Variants in OAS3 observed in about 807,000 individuals in gnomAD.
OAS3 encodes the protein 2'-5'-oligoadenylate synthetase 3.
In OAS3, 107 loss-of-function variants were observed where a neutral mutation model predicts 113.0. That is an observed-to-expected ratio of 0.95 (90% CI 0.81 to 1.11). The LOEUF is 1.11. Ranked by LOEUF, OAS3 falls within the 50% of genes most tolerant of loss-of-function variation. The pLI, the probability that OAS3 is intolerant of heterozygous loss-of-function variation, is 0.00. For missense variants in OAS3, 1,258 were observed against 1,389.1 expected, an observed-to-expected ratio of 0.91 and a Z score of 1.50; for synonymous variants, 552 against 573.6, an observed-to-expected ratio of 0.96 and a Z score of 0.54.
intron 7 of OAS3, among the ~76,000 whole-genome samples, chr12:112,956,984 AG>A (rs2043840990): frequency 6.6e-6 from 1 of 152,198 alleles, no homozygotes; most frequent in African/African-American, 2.4e-5. Context: ...GTATCTTTGT[AG>A]GTCTCTAAGG....
intron 8 of OAS3, among the ~76,000 whole-genome samples, chr12:112,961,760 A>G (rs1484426693): frequency 6.6e-6 from 1 of 152,024 alleles, no homozygotes; most frequent in Non-Finnish European, 1.5e-5. Flanking sequence ...GATCTACTCC[A>G]AGGCTTTTGG....
At chr12:112,945,785 A>G (rs1159606251) in intron 3 of OAS3, among the ~76,000 whole-genome samples, 2 of 152,200 alleles carry the variant, frequency 1.3e-5, no homozygotes, top group East Asian at 1.9e-4. Flanking sequence ...GGTTCTTTCC[A>G]TGTAAGATTC....
intron 2 of OAS3, among the ~76,000 whole-genome samples, chr12:112,943,737 A>G (rs1419257751): frequency 6.6e-6 from 1 of 152,092 alleles, no homozygotes; most frequent in Admixed American, 6.5e-5. Context: ...TTTCTAAGAC[A>G]GAGTTTCGCT....
In OAS3 at chr12:112,966,015, C is replaced by A. The variant is rs1376664911; in HGVS notation, c.2675C>A (p.Ala892Asp). Residue 892 changes from alanine to aspartate, a missense_variant, in exon 12 of 16, where the codon GCC becomes GAC. Coordinates refer to ENST00000228928, the MANE Select transcript of OAS3 (RefSeq NM_006187.4). ...DQSVDFDVLP[A>D]FDALGQLVSG... ...AGTGTGGACTTTGATGTGCTGCCAGCCTTTGACGCCCTAGGTGAGGTGCCC... is the reference window on the plus strand; with the variant it reads ...AGTGTGGACTTTGATGTGCTGCCAGACTTTGACGCCCTAGGTGAGGTGCCC... 1 of 1,613,984 alleles carries A rather than the reference C, an allele frequency of 6.2e-7. No homozygotes were observed. Among genetic ancestry groups the A allele is most frequent in the Admixed American group, 1.7e-5 (1 of 60,020 alleles).
rs1208434318 is a variant in OAS3 at position 112,950,959 on chromosome 12, T to C, written c.1641T>C (p.Pro547=). ...LKSWTDVSLL[P]AFDAVGQLSS... ...GCTGGACGGATGTTAGCCTGCTGCC[T>C]GCCTTCGATGCTGTGGGTGAGGGCG... The change falls in exon 7 of 16, where the codon CCT becomes CCC. Residue 547 remains proline (P), a synonymous_variant. Transcript: ENST00000228928. The C allele has an allele frequency of 1.9e-6, 3 of 1,613,072 alleles. No individual in the cohort carries two copies. The East Asian group carries it at 6.7e-5, about 36-fold the overall frequency.
At position 112,944,605 on chromosome 12, in the gene OAS3, C is replaced by G. The variant is rs377209699; in HGVS notation, c.590C>G (p.Ala197Gly). ...AGGAACTTTGTGAACATTCGCCCAG[C>G]CAAGTTGAAGAACCTAATCTTGCTG... ...LRRNFVNIRP[A>G]KLKNLILLVK... Residue 197 changes from alanine (A) to glycine (G), a missense_variant, in exon 3 of 16, where the codon GCC becomes GGC. Ala to Gly is a moderately conservative substitution (Grantham distance 60). Coordinates refer to ENST00000228928, the MANE Select transcript of OAS3 (RefSeq NM_006187.4). The G allele has an allele frequency of 9.9e-6, 16 of 1,613,942 alleles. No individual in the cohort carries two copies. Among genetic ancestry groups the G allele is most frequent in the Non-Finnish European group, 1.3e-5 (15 of 1,179,912 alleles).
At chr12:112,965,094 C>A (rs4767044) in intron 11 of OAS3, among the ~76,000 whole-genome samples, 118,783 of 152,154 alleles carry the variant, frequency 0.78, 47,433 homozygotes, top group African/African-American at 0.94. Flanking sequence ...TGTCCACGGC[C>A]CTGGATACAG....
At position 112,955,190 on chromosome 12, in the gene OAS3, G is replaced by C. The variant is rs576676483; in HGVS notation, c.1657+4215G>C. Reference sequence around the variant, plus strand: ...TGATTTTGTATCCTGAGACTTTGCTGAAGTTGCTTATCAGCTTAAGAACAT... The same window carrying C: ...TGATTTTGTATCCTGAGACTTTGCTCAAGTTGCTTATCAGCTTAAGAACAT... On this transcript the variant is annotated intron_variant, in intron 7 of 15. Coordinates refer to ENST00000228928, the MANE Select transcript of OAS3 (RefSeq NM_006187.4). Among the ~76,000 whole-genome samples, 7 of 152,346 alleles carry C rather than the reference G, an allele frequency of 4.6e-5. 1 individual carries two copies. Among genetic ancestry groups the C allele is most frequent in the African/African-American group, 1.7e-4 (7 of 41,568 alleles).
In OAS3 at chr12:112,965,837, G is replaced by A. The variant is rs1403527499; in HGVS notation, c.2497G>A (p.Gly833Ser). The part of the protein sequence containing the change: ...LSCFSQFTEQ[G>S]NKRAEIISEI... ...CTGCTTCAGCCAGTTCACTGAGCAG[G>A]GCAACAAGCGGGCCGAGATCATCTC... The change falls in exon 12 of 16, where the codon GGC becomes AGC. Residue 833 changes from glycine to serine, a missense_variant. By Grantham distance (56) the Gly-to-Ser change is moderately conservative. Coordinates refer to ENST00000228928, the MANE Select transcript of OAS3 (RefSeq NM_006187.4). The A allele has an allele frequency of 1.2e-6, 2 of 1,613,864 alleles. No homozygotes were observed. The highest frequency in any genetic ancestry group is 2.2e-5 in the East Asian group (1 of 44,886).
chr12:112,964,319 C>T lies in OAS3; in HGVS notation c.2314C>T (p.Gln772Ter), dbSNP rs1233116021. 1 of 1,610,748 alleles carries T rather than the reference C, an allele frequency of 6.2e-7. No individual in the cohort carries two copies. Among genetic ancestry groups the T allele is most frequent in the Non-Finnish European group, 8.5e-7 (1 of 1,178,534 alleles). Residue 772 changes from glutamine to a stop codon, truncating the protein, a stop_gained, in exon 11 of 16, where the codon CAG becomes TAG. Transcript: ENST00000228928. LOFTEE classifies it high-confidence loss of function. The part of the protein sequence containing the change: ...FLQPNRQFLA[Q>*]VNKAVDTICS... ...CCAGCCCAACCGCCAGTTCCTGGCC[C>T]AGGTGAACAAGGCCGTTGATACCAT...
In OAS3 at chr12:112,946,980, A is replaced by G. The variant is rs1212470433; in HGVS notation, c.874A>G (p.Arg292Gly). ...QFLQRQLKRP[R>G]PVILDPADPT... ...CTTGCAGCGGCAGCTTAAGAGACCC[A>G]GGTACTTCCTAATAGCCCACCATCT... Residue 292 changes from arginine (R) to glycine (G), a missense_variant and splice_region_variant, in exon 4 of 16, where the codon AGG (arginine) becomes GGG (glycine). Physicochemically the swap from Arg to Gly is moderately radical, Grantham distance 125. Transcript: ENST00000228928. The G allele has an allele frequency of 6.2e-7, 1 of 1,612,998 alleles. No individual in the cohort carries two copies. The highest frequency in any genetic ancestry group is 8.5e-7 in the Non-Finnish European group (1 of 1,179,166).
chr12:112,941,465 CCA>C, intron 1 of OAS3, 103 bp from the exon 2 acceptor site: 1 of 1,291,372 alleles, frequency 7.7e-7, no homozygotes, highest in Non-Finnish European at 1.1e-6. Flanking sequence ...AGCCATGTGG[CCA>C]CAGTCTCTCC....
At position 112,950,596 on chromosome 12, in the gene OAS3, A is replaced by G. The variant is rs943789248; in HGVS notation, c.1375-97A>G. On this transcript the variant is annotated intron_variant, in intron 6 of 15. Coordinates refer to ENST00000228928, the MANE Select transcript of OAS3 (RefSeq NM_006187.4). Reference sequence around the variant, plus strand: ...CCAGACCTGACATCAGCAAGAGGGCAGGTTCCAGGCTGTAGATGGGGCGCA... The same window carrying G: ...CCAGACCTGACATCAGCAAGAGGGCGGGTTCCAGGCTGTAGATGGGGCGCA... 4.3e-6 allele frequency: 6 copies of G among 1,389,960 alleles called. No homozygotes were observed. The Admixed American group carries it at 1.2e-4, about 28-fold the overall frequency. 86.1% of individuals were successfully genotyped at this position (1,389,960 alleles called of 1,614,324 possible).
chr12:112,967,386 C>T (rs764825943), intron 12 of OAS3, 32 bp from the exon 13 acceptor site: 22 of 1,587,218 alleles, frequency 1.4e-5, no homozygotes, highest in East Asian at 2.3e-5. Flanking sequence ...ACATGGGAGC[C>T]GGAGTGATGG....
chr12:112,948,175 G>A, intron 5 of OAS3, 76 bp downstream of exon 5: 3 of 1,371,052 alleles, frequency 2.2e-6, no homozygotes, highest in Non-Finnish European at 2.9e-6. Flanking sequence ...CATCTACTAT[G>A]TGCCATATGG....
intron 11 of OAS3, among the ~76,000 whole-genome samples, chr12:112,965,155 A>G (rs1480164538): frequency 6.6e-6 from 1 of 152,166 alleles, no homozygotes; most frequent in Non-Finnish European, 1.5e-5. Context: ...GCTCAGAAAG[A>G]GTGTTAGCAT....
At chr12:112,946,572 G>C (rs1340145382) in intron 3 of OAS3, among the ~76,000 whole-genome samples, 171 bp from the exon 4 acceptor site, 1 of 152,114 alleles carries the variant, frequency 6.6e-6, no homozygotes, top group African/African-American at 2.4e-5. Context: ...CCACTTGGCT[G>C]AAGCTACCAG....
chr12:112,947,463 CTTTGAGA>C (rs2043743965), intron 4 of OAS3, among the ~76,000 whole-genome samples: 1 of 152,160 alleles, frequency 6.6e-6, no homozygotes, highest in South Asian at 2.1e-4. Context: ...AAGATTAAGT[CTTTGAGA>C]TTTAGCTATA....
At position 112,948,990 on chromosome 12, in the gene OAS3, CCAG is replaced by C. The variant is rs772286864; in HGVS notation, c.1161_1163del (p.Ala388del). The stretch of plus-strand genomic sequence containing the variant: ...AGCAGGGAGCAAACCTCCCTCATGC[CCAG>C]CTCCTGGCCCCACTGGGGCAGCCAG... On this transcript the variant is annotated inframe_deletion, in exon 6 of 16. Transcript: ENST00000228928. 1 of 1,614,008 alleles carries C rather than the reference CCAG, an allele frequency of 6.2e-7. No individual in the cohort carries two copies. The highest frequency in any genetic ancestry group is 1.7e-5 in the Admixed American group (1 of 60,016).
Sources: gnomAD v4.1 joint callset for allele counts (sites outside exome capture counted in the v4.1 genomes callset) on GRCh38, gnomAD v4.1.1 for gene constraint, MANE v1.5 for transcripts, NCBI Gene and HGNC (gene_info 2026-07-23, HGNC 2026-07-21) for gene names.